The following ERC2 variants were observed in gnomAD, a reference collection of about 807,000 sequenced individuals.
ERC2 encodes the protein ERC protein 2.
In ERC2, 42 loss-of-function variants were observed where a neutral mutation model predicts 114.8. The ratio of observed to expected loss-of-function variants is 0.37; its 90% CI spans 0.29 to 0.47. The LOEUF (loss-of-function observed/expected upper bound fraction) is 0.47. ERC2 is among the 20% of genes least tolerant of loss of function. ERC2 has a pLI of 0.99. For synonymous variants in ERC2, 454 were observed against 425.5 expected (o/e 1.07, Z -0.82); for missense variants, 939 against 1,150.7 (o/e 0.82, Z 2.66).
chr3:56,291,991 T>C (rs541721709), intron 3 of ERC2, among the ~76,000 whole-genome samples: 1 of 152,312 alleles, frequency 6.6e-6, no homozygotes, highest in South Asian at 2.1e-4. Context: ...TGGTAGGTCA[T>C]TAATTAGAAG....
chr3:55,833,950 G>T (rs2060744203), intron 14 of ERC2, among the ~76,000 whole-genome samples: 1 of 151,512 alleles, frequency 6.6e-6, no homozygotes, highest in Non-Finnish European at 1.5e-5. Context: ...AAAAGGCAGG[G>T]GTTGCAATCC....
Position 56,449,424 on chromosome 3 carries a change from A to G in ERC2, c.-140-14277T>C, listed in dbSNP as rs559238410. On this transcript the variant is annotated intron_variant, in intron 1 of 17. Transcript: ENST00000288221. ...GAACCAGAGTAGGCCCTCTCGCCCA[A>G]GAGTAAGGGAACACGGGAGCTATGC... is the stretch of plus-strand genomic sequence containing the variant. Among the ~76,000 whole-genome samples, 190 of 152,320 alleles carry G rather than the reference A, an allele frequency of 1.2e-3. 1 individual carries two copies. The highest frequency in any genetic ancestry group is 1.8e-3 in the Non-Finnish European group (123 of 68,042).
At chr3:55,966,176 T>C (rs750910277) in intron 12 of ERC2, among the ~76,000 whole-genome samples, 1 of 152,194 alleles carries the variant, frequency 6.6e-6, no homozygotes, top group Non-Finnish European at 1.5e-5. Context: ...AGAGCCCATG[T>C]ACAGATTCCT....
rs1424668521 is a variant in ERC2 at position 55,633,576 on chromosome 3, CA to C, written c.*39+50217del. Among the ~76,000 whole-genome samples, 31 of 152,282 alleles carry C rather than the reference CA, an allele frequency of 2.0e-4. 1 individual carries two copies. The highest frequency in any genetic ancestry group is 1.6e-3 in the Admixed American group (24 of 15,300). ...TGGCATATAATAGATGTTTATTTAA[CA>C]GGTATTGAGAAAGCAGATACATACA... On this transcript the variant is annotated intron_variant, in intron 17 of 17. Coordinates refer to ENST00000288221, the MANE Select transcript of ERC2 (RefSeq NM_015576.3).
chr3:55,844,040 G>A (rs750546233), intron 14 of ERC2, among the ~76,000 whole-genome samples: 13 of 152,084 alleles, frequency 8.5e-5, no homozygotes, highest in East Asian at 1.9e-4. Flanking sequence ...CAAAGTAAAC[G>A]AACATTTTTG....
chr3:55,683,695 C>T, intron 17 of ERC2, 99 bp downstream of exon 17: 1 of 981,566 alleles, frequency 1.0e-6, no homozygotes, highest in Non-Finnish European at 1.5e-6. Context: ...AAACACAGGG[C>T]ACAATTCACA....
At chr3:56,351,329 A>G (rs181701037) in intron 2 of ERC2, among the ~76,000 whole-genome samples, 145 of 152,262 alleles carry the variant, frequency 9.5e-4, no homozygotes, top group Non-Finnish European at 4.3e-4. Context: ...AAAATAACTG[A>G]CCATTTGTAC....
At chr3:55,583,384 T>TCCTTCCC (rs2057367458) in intron 17 of ERC2, among the ~76,000 whole-genome samples, 2 of 127,454 alleles carry the variant, frequency 1.6e-5, no homozygotes, top group African/African-American at 7.4e-5. Flanking sequence ...CTTTCCTTCT[T>TCCTTCCC]TCTTTCCTTC....
At chr3:55,847,681 GAAGAAAGGAAAGAGAAA>G (rs2061421683) in intron 14 of ERC2, among the ~76,000 whole-genome samples, 2 of 144,872 alleles carry the variant, frequency 1.4e-5, no homozygotes, top group South Asian at 4.8e-4. Context: ...AAAAAAGAAG[GAAGAAAGGAAAGAGAAA>G]AAGAAAGGAA....
intron 17 of ERC2, among the ~76,000 whole-genome samples, chr3:55,606,392 C>T (rs2058642797): frequency 1.3e-5 from 2 of 152,092 alleles, no homozygotes; most frequent in Non-Finnish European, 2.9e-5. Context: ...ACATCAAAAG[C>T]CACAAAATCA....
intron 2 of ERC2, among the ~76,000 whole-genome samples, chr3:56,346,638 T>C (rs941374576): frequency 5.9e-5 from 9 of 152,208 alleles, no homozygotes; most frequent in Non-Finnish European, 1.5e-5. Context: ...ACCTGACCAA[T>C]GGGCTATACA....
chr3:55,707,069 A>G (rs1559527586), intron 15 of ERC2, among the ~76,000 whole-genome samples: 2 of 152,192 alleles, frequency 1.3e-5, no homozygotes, highest in Non-Finnish European at 2.9e-5. Context: ...TACTGCTCCT[A>G]TTGCATATTT....
At chr3:56,324,589 C>A (rs1196606248) in intron 2 of ERC2, among the ~76,000 whole-genome samples, 2 of 152,078 alleles carry the variant, frequency 1.3e-5, no homozygotes, top group African/African-American at 4.8e-5. Context: ...AAGGGTCTAA[C>A]GGGCCTTCAT....
chr3:55,664,154 T>C (rs182909748), intron 17 of ERC2, among the ~76,000 whole-genome samples: 27 of 152,328 alleles, frequency 1.8e-4, no homozygotes, highest in African/African-American at 6.3e-4. Flanking sequence ...CTTTTATTTT[T>C]TTCCCCCCTC....
chr3:55,556,806 C>G lies in ERC2; in HGVS notation c.*40-45530G>C, dbSNP rs145825270. ...CTTCTAATTCCACAAGCCAATAAAT[C>G]TTCTCATTTGCTTAAGTGATTTTGA... On this transcript the variant is annotated intron_variant, in intron 17 of 17. Transcript: ENST00000288221. Among the ~76,000 whole-genome samples the G allele has an allele frequency of 8.9e-4, 136 of 152,320 alleles. 1 individual carries two copies. The East Asian group carries it at 0.025, about 28-fold the overall frequency.
At chr3:56,150,932 A>T (rs1464826318) in intron 4 of ERC2, among the ~76,000 whole-genome samples, 4 of 152,092 alleles carry the variant, frequency 2.6e-5, no homozygotes, top group Non-Finnish European at 5.9e-5. Context: ...TAGAGCCCTT[A>T]TAAGAAGAGA....
At chr3:56,243,725 G>T (rs886762788) in intron 3 of ERC2, among the ~76,000 whole-genome samples, 13 of 152,160 alleles carry the variant, frequency 8.5e-5, no homozygotes, top group African/African-American at 2.9e-4. Flanking sequence ...AAGGCACAAA[G>T]ATAGACAGGT....
At chr3:56,339,385 G>T (rs1288663297) in intron 2 of ERC2, among the ~76,000 whole-genome samples, 7 of 152,064 alleles carry the variant, frequency 4.6e-5, no homozygotes, top group Non-Finnish European at 7.4e-5. Flanking sequence ...GGGGCAGCTT[G>T]TGTTAAGGTG....
chr3:55,762,019 T>C (rs2067480455), intron 14 of ERC2, among the ~76,000 whole-genome samples: 1 of 145,342 alleles, frequency 6.9e-6, no homozygotes, highest in Non-Finnish European at 1.5e-5. Flanking sequence ...TGCCTTGCTT[T>C]CCCTTCACCT....
Sources: allele counts gnomAD v4.1 joint callset (sites outside exome capture counted in the v4.1 genomes callset), GRCh38; gene constraint gnomAD v4.1.1; transcripts MANE v1.5; gene names NCBI Gene and HGNC (gene_info 2026-07-23, HGNC 2026-07-21).